The following PTBP2 variants were observed in gnomAD, a reference collection of about 807,000 sequenced individuals.
PTBP2 encodes polypyrimidine tract-binding protein 2.
In PTBP2, 13 loss-of-function variants were observed where a neutral mutation model predicts 61.4. The observed-to-expected ratio is 0.21, with a 90% CI of 0.14 to 0.34. PTBP2 has a LOEUF of 0.34. Among genes scored for constraint, PTBP2 ranks in the 10% least tolerant of loss-of-function variants. The pLI, the probability that PTBP2 is intolerant of heterozygous loss-of-function variation, is 1.00. For synonymous variants in PTBP2, 215 were observed against 218.5 expected (o/e 0.98, Z 0.14); for missense variants, 405 against 642.6 (o/e 0.63, Z 4.00).
At chr1:96,800,729 T>C (rs1018812755) in intron 8 of PTBP2, among the ~76,000 whole-genome samples, 1 of 152,056 alleles carries the variant, frequency 6.6e-6, no homozygotes, top group African/African-American at 2.4e-5. Flanking sequence ...GCAAACCTTG[T>C]CTCAAAAAAT....
At chr1:96,776,361 TAATC>T (rs1194208315) in intron 5 of PTBP2, among the ~76,000 whole-genome samples, 3 of 143,986 alleles carry the variant, frequency 2.1e-5, no homozygotes, top group Non-Finnish European at 4.6e-5. Flanking sequence ...TCTACTAAAA[TAATC>T]TATCACATTT....
intron 4 of PTBP2, among the ~76,000 whole-genome samples, 186 bp from the exon 5 acceptor site, chr1:96,770,522 T>C (rs180978581): frequency 1.3e-5 from 2 of 152,150 alleles, no homozygotes; most frequent in African/African-American, 4.8e-5. Context: ...GGTTTTCTTC[T>C]GAGGTTAGCT....
At chr1:96,810,968 T>C (rs1313570762) in intron 11 of PTBP2, among the ~76,000 whole-genome samples, 1 of 152,148 alleles carries the variant, frequency 6.6e-6, no homozygotes, top group African/African-American at 2.4e-5. Flanking sequence ...GAAGATTGTT[T>C]TGTTTTTTTT....
chr1:96,818,045 A>G (rs977678905), downstream of PTBP2: 6 of 152,086 alleles, frequency 3.9e-5, no homozygotes, highest in African/African-American at 9.7e-5. Context: ...ACAAGGAGCT[A>G]TATCATTGGT....
exon 14 of PTBP2, chr1:96,820,549 T>G (rs895849469): frequency 1.3e-5 from 2 of 152,086 alleles, no homozygotes; most frequent in African/African-American, 4.8e-5. Context: ...ACCTCAGACA[T>G]CTATTAGCAT....
chr1:96,782,815 T>G (rs1370975284), intron 7 of PTBP2, among the ~76,000 whole-genome samples: 1 of 152,024 alleles, frequency 6.6e-6, no homozygotes, highest in Non-Finnish European at 1.5e-5. Context: ...TATTTTGGCT[T>G]TTCATGTTTT....
At chr1:96,823,062 G>A (rs1054359889) in exon 14 of PTBP2, 5 of 152,192 alleles carry the variant, frequency 3.3e-5, no homozygotes, top group African/African-American at 1.2e-4. Context: ...CCGGGTTCAA[G>A]CAATTCTCCT....
intron 3 of PTBP2, among the ~76,000 whole-genome samples, 160 bp downstream of exon 3, chr1:96,751,660 A>G (rs879900000): frequency 2.7e-3 from 265 of 96,658 alleles, no homozygotes; most frequent in Middle Eastern, 0.012. Context: ...GCCGAGTGGA[A>G]AAAAAAAAAA....
chr1:96,816,309 T>A (rs1371751274), downstream of PTBP2: 1 of 152,210 alleles, frequency 6.6e-6, no homozygotes, highest in Non-Finnish European at 1.5e-5. Flanking sequence ...ATATAGTGAA[T>A]TGCTTATTAA....
chr1:96,785,875 A>T (rs1406172622), intron 8 of PTBP2, among the ~76,000 whole-genome samples: 1 of 152,234 alleles, frequency 6.6e-6, no homozygotes, highest in African/African-American at 2.4e-5. Context: ...ATAAAAATAC[A>T]GTGCAAACAT....
chr1:96,798,852 TTTG>T (rs1363117243), intron 8 of PTBP2, among the ~76,000 whole-genome samples: 10 of 152,218 alleles, frequency 6.6e-5, no homozygotes, highest in African/African-American at 2.4e-4. Flanking sequence ...ATGTCTTAAA[TTTG>T]TTTGTAAATC....
intron 3 of PTBP2, among the ~76,000 whole-genome samples, chr1:96,759,703 C>A (rs6665351): frequency 0.045 from 6,841 of 152,154 alleles, 479 homozygotes; most frequent in African/African-American, 0.15. Flanking sequence ...ATTTCTGCTT[C>A]ATCAAAAGAC....
chr1:96,767,073 A>C (rs1013870192), intron 3 of PTBP2, among the ~76,000 whole-genome samples: 8 of 152,102 alleles, frequency 5.3e-5, no homozygotes, highest in African/African-American at 1.9e-4. Context: ...GTGAATATTA[A>C]ATATTGATGC....
intron 2 of PTBP2, among the ~76,000 whole-genome samples, chr1:96,747,472 T>C (rs749368581): frequency 1.3e-4 from 20 of 152,176 alleles, no homozygotes; most frequent in Non-Finnish European, 2.6e-4. Flanking sequence ...TTTTGCTTTT[T>C]ATATTTATCA....
At chr1:96,800,004 T>C (rs1660810341) in intron 8 of PTBP2, among the ~76,000 whole-genome samples, 2 of 152,212 alleles carry the variant, frequency 1.3e-5, no homozygotes, top group African/African-American at 4.8e-5. Flanking sequence ...ATAGCCTAAG[T>C]AGTTTTTCTA....
chr1:96,731,864 T>C (rs1009004545), intron 2 of PTBP2, among the ~76,000 whole-genome samples: 1 of 152,168 alleles, frequency 6.6e-6, no homozygotes, highest in Non-Finnish European at 1.5e-5. Context: ...TCTTAACCAT[T>C]TTGCCAATGT....
intron 2 of PTBP2, among the ~76,000 whole-genome samples, chr1:96,743,251 T>C (rs1203591137): frequency 1.3e-5 from 2 of 149,112 alleles, no homozygotes; most frequent in East Asian, 4.0e-4. Flanking sequence ...GACTCCAGCC[T>C]GGGTGACAGA....
downstream of PTBP2, chr1:96,817,022 A>T (rs192825735): frequency 3.3e-5 from 5 of 152,324 alleles, no homozygotes; most frequent in Non-Finnish European, 7.4e-5. Context: ...AAATGCAGTT[A>T]TAGAGAGCAT....
At chr1:96,810,367 C>CT (rs904441196) in intron 11 of PTBP2, among the ~76,000 whole-genome samples, 3 of 152,044 alleles carry the variant, frequency 2.0e-5, no homozygotes, top group African/African-American at 7.2e-5. Context: ...TCCTTGTGTA[C>CT]TTTCAGTTTT....
Sources: gnomAD v4.1 joint callset for allele counts (sites outside exome capture counted in the v4.1 genomes callset) on GRCh38, gnomAD v4.1.1 for gene constraint, MANE v1.5 for transcripts, NCBI Gene and HGNC (gene_info 2026-07-23, HGNC 2026-07-21) for gene names.